Variants in DLGAP2 observed in about 807,000 individuals in gnomAD.
DLGAP2 encodes the protein DLG associated protein 2.
Under a neutral mutation model 100.3 loss-of-function variants are expected in DLGAP2, and 26 were observed. That is an observed-to-expected ratio of 0.26 (90% confidence interval 0.19 to 0.36). The LOEUF is 0.36. Among genes scored for constraint, DLGAP2 ranks in the 10% least tolerant of loss-of-function variants. DLGAP2 has a pLI of 1.00. For missense variants in DLGAP2, 1,858 were observed against 1,453.2 expected, an observed-to-expected ratio of 1.28 and a Z score of -4.53; for synonymous variants, 886 against 630.1, an observed-to-expected ratio of 1.41 and a Z score of -6.08.
chr8:1,569,225 T>G (rs1335312917), intron 6 of DLGAP2, among the ~76,000 whole-genome samples: 1 of 152,272 alleles, frequency 6.6e-6, no homozygotes, highest in Non-Finnish European at 1.5e-5. Flanking sequence ...GCAGAGATGG[T>G]GCAACAGTTG....
chr8:1,448,758 C>A (rs1023029421), intron 3 of DLGAP2, among the ~76,000 whole-genome samples: 17 of 152,162 alleles, frequency 1.1e-4, no homozygotes, highest in African/African-American at 4.1e-4. Flanking sequence ...CATTTTTGTT[C>A]TGCATTCCCG....
chr8:1,293,292 GC>G (rs1424884327), intron 3 of DLGAP2, among the ~76,000 whole-genome samples: 1 of 152,090 alleles, frequency 6.6e-6, no homozygotes, highest in Non-Finnish European at 1.5e-5. Context: ...GTGGAGCATG[GC>G]CCCCAGCCAG....
chr8:1,655,237 G>C (rs1379146718), intron 8 of DLGAP2, among the ~76,000 whole-genome samples: 2 of 152,184 alleles, frequency 1.3e-5, no homozygotes, highest in Non-Finnish European at 1.5e-5. Context: ...CTTCTGTTTT[G>C]TGACTAGCAT....
intron 2 of DLGAP2, among the ~76,000 whole-genome samples, chr8:912,004 A>G (rs2128999737): frequency 6.6e-6 from 1 of 152,326 alleles, no homozygotes. Flanking sequence ...AGCATAATAC[A>G]TTCTTTTCTT....
intron 2 of DLGAP2, among the ~76,000 whole-genome samples, chr8:1,228,044 C>G (rs1183092005): frequency 1.3e-5 from 2 of 150,994 alleles, no homozygotes; most frequent in Non-Finnish European, 2.9e-5. Context: ...CACTTGGACA[C>G]AGGAAGGGGA....
intron 2 of DLGAP2, among the ~76,000 whole-genome samples, chr8:921,263 C>T (rs1798707676): frequency 6.6e-6 from 1 of 152,194 alleles, no homozygotes; most frequent in Admixed American, 6.5e-5. Flanking sequence ...GCACACTTTC[C>T]TGGGCTCAGG....
chr8:1,059,070 T>C lies in DLGAP2; in HGVS notation c.73+151104T>C, dbSNP rs909905869. Reference sequence around the variant, plus strand: ...CTCCAGGGCTCCCCCCATGTGTCCATGTGTCCATGGGTAAACCTCAGGTTC... The same window carrying C: ...CTCCAGGGCTCCCCCCATGTGTCCACGTGTCCATGGGTAAACCTCAGGTTC... On this transcript the variant is annotated intron_variant, in intron 2 of 14. Coordinates refer to ENST00000637795, the MANE Select transcript of DLGAP2 (RefSeq NM_001346810.2). 3.3e-5 allele frequency among the ~76,000 whole-genome samples: 5 copies of C among 152,204 alleles called. No individual in the cohort carries two copies. In the East Asian group the frequency reaches 5.8e-4, roughly 18 times the overall value.
chr8:1,690,703 C>CAAAAAAAAAAAAAAAAAA (rs71190752), intron 12 of DLGAP2, among the ~76,000 whole-genome samples: 4 of 62,080 alleles, frequency 6.4e-5, no homozygotes, highest in East Asian at 5.1e-4. Flanking sequence ...GACCCTATCT[C>CAAAAAAAAAAAAAAAAAA]AAAAAAAAAA....
At chr8:1,569,266 C>A (rs1030508480) in intron 6 of DLGAP2, among the ~76,000 whole-genome samples, 2 of 152,274 alleles carry the variant, frequency 1.3e-5, no homozygotes, top group African/African-American at 4.8e-5. Flanking sequence ...CAGGATTTAT[C>A]ACTCCATTGA....
chr8:1,603,475 G>C (rs1409700657), intron 6 of DLGAP2, among the ~76,000 whole-genome samples: 7 of 151,184 alleles, frequency 4.6e-5, no homozygotes, highest in South Asian at 2.1e-4. Context: ...TTCTGTAGAG[G>C]CTGGTTAGAG....
At chr8:996,237 A>T (rs1407300790) in intron 2 of DLGAP2, among the ~76,000 whole-genome samples, 3 of 152,138 alleles carry the variant, frequency 2.0e-5, no homozygotes, top group Non-Finnish European at 4.4e-5. Flanking sequence ...CTTTTCTTTG[A>T]TTGTGAGATG....
chr8:1,568,485 G>T (rs535102958), intron 6 of DLGAP2, among the ~76,000 whole-genome samples: 2 of 76,988 alleles, frequency 2.6e-5, no homozygotes, highest in East Asian at 8.8e-4. Context: ...ACACAAATCC[G>T]TCTCTGCCCG....
intron 2 of DLGAP2, among the ~76,000 whole-genome samples, chr8:1,182,022 G>A (rs900451846): frequency 6.6e-6 from 1 of 152,216 alleles, no homozygotes; most frequent in African/African-American, 2.4e-5. Flanking sequence ...AAGCTGACGT[G>A]GGAGGTTGCA....
chr8:740,583 G>A lies in DLGAP2; in HGVS notation c.18+2758G>A, dbSNP rs530686331. 9.3e-4 allele frequency among the ~76,000 whole-genome samples: 141 copies of A among 152,132 alleles called. 1 individual carries two copies. The highest frequency in any genetic ancestry group is 1.7e-3 in the Non-Finnish European group (114 of 68,016). On this transcript the variant is annotated intron_variant, in intron 1 of 14. Coordinates refer to ENST00000637795, the MANE Select transcript of DLGAP2 (RefSeq NM_001346810.2). ...AATATTAAAAGCAAAAATAGGCTTC[G>A]TGGAATTTAAATTACATTGGATTCT...
chr8:819,732 T>G (rs549656308), intron 1 of DLGAP2, among the ~76,000 whole-genome samples: 2 of 152,294 alleles, frequency 1.3e-5, no homozygotes, highest in African/African-American at 4.8e-5. Context: ...GAAACAGGAA[T>G]GTGTAAGATT....
At chr8:1,168,734 T>C (rs1438800798) in intron 2 of DLGAP2, among the ~76,000 whole-genome samples, 2 of 143,536 alleles carry the variant, frequency 1.4e-5, no homozygotes, top group Middle Eastern at 3.5e-3. Context: ...GGTTGTTTGT[T>C]TTTTTCTCGT....
intron 3 of DLGAP2, among the ~76,000 whole-genome samples, chr8:1,276,368 G>C (rs575292023): frequency 1.6e-4 from 24 of 152,142 alleles, no homozygotes; most frequent in Admixed American, 3.9e-4. Context: ...TTCGCGTCGG[G>C]CACTATCAGA....
At chr8:1,164,635 G>A (rs945916607) in intron 2 of DLGAP2, among the ~76,000 whole-genome samples, 1 of 151,760 alleles carries the variant, frequency 6.6e-6, no homozygotes, top group South Asian at 2.1e-4. Flanking sequence ...GCTCAGAACC[G>A]CCAGGGCCTG....
chr8:851,312 G>A (rs986386057), intron 1 of DLGAP2, among the ~76,000 whole-genome samples: 4 of 152,186 alleles, frequency 2.6e-5, no homozygotes, highest in East Asian at 1.9e-4. Context: ...AAGTCGCCTG[G>A]TGACGCATGT....
Sources: gnomAD v4.1 joint callset for allele counts (sites outside exome capture counted in the v4.1 genomes callset) on GRCh38, gnomAD v4.1.1 for gene constraint, MANE v1.5 for transcripts, NCBI Gene and HGNC (gene_info 2026-07-23, HGNC 2026-07-21) for gene names.